Variants in SYN2 observed in about 807,000 individuals in gnomAD.
SYN2 encodes synapsin II, also known as synapsin-2.
Under a neutral mutation model 50.9 loss-of-function variants are expected in SYN2, and 19 were observed. That is an observed-to-expected ratio of 0.37 (90% CI 0.26 to 0.55). SYN2 has a LOEUF of 0.55. Among genes scored for constraint, SYN2 ranks in the 20% least tolerant of loss-of-function variants. The probability of loss-of-function intolerance (pLI) is 0.81; values close to 1 mark genes in which losing one functional copy is unlikely to be tolerated. For missense variants in SYN2, 587 were observed against 576.4 expected, an observed-to-expected ratio of 1.02 and a Z score of -0.19; for synonymous variants, 255 against 224.9, an observed-to-expected ratio of 1.13 and a Z score of -1.20.
chr3:12,127,789 C>G (rs978214926), intron 1 of SYN2, among the ~76,000 whole-genome samples: 7 of 152,178 alleles, frequency 4.6e-5, no homozygotes, highest in Non-Finnish European at 1.0e-4. Context: ...ATCAAGTCTC[C>G]TTTGCTAACA....
chr3:12,110,238 G>T (rs1696282980), intron 1 of SYN2, among the ~76,000 whole-genome samples: 1 of 152,144 alleles, frequency 6.6e-6, no homozygotes, highest in Non-Finnish European at 1.5e-5. Flanking sequence ...ACTCCAAAAT[G>T]ATCCTTTGAC....
Position 12,139,199 on chromosome 3 carries a change from A to C in SYN2, c.378-1452A>C, listed in dbSNP as rs570706479. The stretch of plus-strand genomic sequence containing the variant: ...GATAGGACAAATGACAACTTCCTAG[A>C]ACGGGGTGTTCCAGAACCCATAGAG... On this transcript the variant is annotated intron_variant, in intron 1 of 12. Coordinates refer to ENST00000621198, the MANE Select transcript of SYN2 (RefSeq NM_133625.6). Among the ~76,000 whole-genome samples, 75 of 152,316 alleles carry C rather than the reference A, an allele frequency of 4.9e-4. 1 individual carries two copies. Among genetic ancestry groups the C allele is most frequent in the African/African-American group, 1.6e-3 (68 of 41,574 alleles).
At chr3:12,151,142 C>A in intron 4 of SYN2, 95 bp from the exon 5 acceptor site, 2 of 882,198 alleles carry the variant, frequency 2.3e-6, no homozygotes, top group South Asian at 1.5e-5. Flanking sequence ...AAGTCCTCCA[C>A]AGAGCAAATG....
chr3:12,137,470 A>G (rs188253272), intron 1 of SYN2, among the ~76,000 whole-genome samples: 86 of 152,270 alleles, frequency 5.6e-4, no homozygotes, highest in Admixed American at 7.2e-4. Flanking sequence ...TAAATTATTC[A>G]TCCTGTGGAT....
intron 1 of SYN2, chr3:12,070,558 C>T: frequency 1.8e-6 from 2 of 1,135,036 alleles, no homozygotes; most frequent in Non-Finnish European, 2.5e-6. Context: ...CTGACGGAGG[C>T]CCTTGTGAAC....
chr3:12,025,743 G>A (rs916194117), intron 1 of SYN2, among the ~76,000 whole-genome samples: 2 of 152,140 alleles, frequency 1.3e-5, no homozygotes, highest in East Asian at 3.9e-4. Flanking sequence ...GTGCCTAGCT[G>A]GCCCTGCAAA....
rs537846449 is a variant in SYN2 at position 12,174,893 on chromosome 3, C to T, written c.1308+4987C>T. ...CTTCTTTAATTTTCTGCATAGCACTCACTATCAGTTGAGATTATTCTTGTC... is the reference window on the plus strand; with the variant it reads ...CTTCTTTAATTTTCTGCATAGCACTTACTATCAGTTGAGATTATTCTTGTC... On this transcript the variant is annotated intron_variant, in intron 10 of 12. Transcript: ENST00000621198. Among the ~76,000 whole-genome samples, 149 of 152,316 alleles carry T rather than the reference C, an allele frequency of 9.8e-4. 2 individuals carry two copies. The highest frequency in any genetic ancestry group is 3.4e-3 in the African/African-American group (142 of 41,554).
intron 10 of SYN2, among the ~76,000 whole-genome samples, chr3:12,170,269 A>G (rs1394939182): frequency 2.0e-5 from 3 of 152,270 alleles, no homozygotes; most frequent in South Asian, 4.1e-4. Context: ...CACATCACTT[A>G]CTGTCTATTC....
At chr3:12,050,711 C>CTCTTT (rs1268024407) in intron 1 of SYN2, among the ~76,000 whole-genome samples, 17 of 50,530 alleles carry the variant, frequency 3.4e-4, no homozygotes, top group Admixed American at 1.1e-3. Context: ...CTTCTCTTCT[C>CTCTTT]TTTTTTTTTT....
rs925606381 is a variant in SYN2 at position 12,167,455 on chromosome 3, C to T, written c.1055+147C>T. The T allele has an allele frequency of 2.0e-5, 15 of 737,550 alleles. No individual in the cohort carries two copies. In the African/African-American group the frequency reaches 2.6e-4, roughly 13 times the overall value. 45.7% of individuals were successfully genotyped at this position (737,550 alleles called of 1,614,324 possible). A position where few individuals can be genotyped will look rare whatever the true frequency, so the allele number is the denominator to read the frequency against. ...CAAAAGGCCCAAGTAGCCCATTTAG[C>T]AAGATCAGGCAGGACTGATGATAGA... On this transcript the variant is annotated intron_variant, in intron 8 of 12. Transcript: ENST00000621198.
intron 1 of SYN2, among the ~76,000 whole-genome samples, chr3:12,014,183 ATG>A (rs2125131984): frequency 6.6e-6 from 1 of 152,292 alleles, no homozygotes; most frequent in East Asian, 1.9e-4. Context: ...GACAGGCTGA[ATG>A]TTTCATTCCT....
chr3:12,171,700 TG>T (rs1216320285), intron 10 of SYN2, among the ~76,000 whole-genome samples: 1 of 152,214 alleles, frequency 6.6e-6, no homozygotes, highest in Non-Finnish European at 1.5e-5. Flanking sequence ...CAGGTGACCT[TG>T]GGTAGGTTTA....
Position 12,004,937 on chromosome 3 carries a change from C to T in SYN2, c.377+9C>T, listed in dbSNP as rs1393711891. 5.6e-6 allele frequency: 3 copies of T among 532,260 alleles called. No individual in the cohort carries two copies. Among genetic ancestry groups the T allele is most frequent in the African/African-American group, 4.0e-5 (2 of 49,862 alleles). The allele number at this position is 532,260 out of a possible 1,614,324, so 33.0% of individuals were successfully genotyped here. On this transcript the variant is annotated intron_variant, in intron 1 of 12. Transcript: ENST00000621198. ...GAGCCGCACGCCGACTGGTAGGTGCCGGGCGCCGCCGCCCTCGGGGGTCGG... is the reference window on the plus strand; with the variant it reads ...GAGCCGCACGCCGACTGGTAGGTGCTGGGCGCCGCCGCCCTCGGGGGTCGG...
At position 12,147,931 on chromosome 3, in the gene SYN2, G is replaced by C. The variant is rs151280572; in HGVS notation, c.684+2096G>C. Among the ~76,000 whole-genome samples the C allele has an allele frequency of 2.6e-5, 4 of 151,760 alleles. No individual in the cohort carries two copies. The East Asian group carries it at 5.8e-4, about 22-fold the overall frequency. On this transcript the variant is annotated intron_variant, in intron 4 of 12. Coordinates refer to ENST00000621198, the MANE Select transcript of SYN2 (RefSeq NM_133625.6). Reference sequence around the variant, plus strand: ...GATCAAGACCATCCTAACTAACACAGAGAAACCCGTCTCTACTAAAAATAC... The same window carrying C: ...GATCAAGACCATCCTAACTAACACACAGAAACCCGTCTCTACTAAAAATAC...
At chr3:12,179,374 GAAAAAAA>G (rs536283283) in intron 10 of SYN2, among the ~76,000 whole-genome samples, 3 of 92,570 alleles carry the variant, frequency 3.2e-5, no homozygotes, top group Admixed American at 1.2e-4. Context: ...AGAACTGAAA[GAAAAAAA>G]AAAAAAAAAA....
chr3:12,033,784 A>G (rs1350116826), intron 1 of SYN2, among the ~76,000 whole-genome samples: 1 of 152,192 alleles, frequency 6.6e-6, no homozygotes, highest in African/African-American at 2.4e-5. Context: ...TTTTGTGTCC[A>G]GCTTTTTTCA....
At chr3:12,139,548 G>A (rs1696970778) in intron 1 of SYN2, among the ~76,000 whole-genome samples, 1 of 152,134 alleles carries the variant, frequency 6.6e-6, no homozygotes, top group African/African-American at 2.4e-5. Flanking sequence ...CTGAATCTTG[G>A]TTTCCTTGTC....
At chr3:12,057,738 C>T (rs1285510625) in intron 1 of SYN2, among the ~76,000 whole-genome samples, 2 of 152,004 alleles carry the variant, frequency 1.3e-5, no homozygotes, top group South Asian at 2.1e-4. Context: ...TTTCCACTCC[C>T]GTGACATGCT....
At chr3:12,181,048 C>G (rs1316060037) in intron 10 of SYN2, among the ~76,000 whole-genome samples, 1 of 152,206 alleles carries the variant, frequency 6.6e-6, no homozygotes, top group Non-Finnish European at 1.5e-5. Context: ...ATTCACTACC[C>G]ACTATGTGAA....
Sources: gnomAD v4.1 joint callset for allele counts (sites outside exome capture counted in the v4.1 genomes callset) on GRCh38, gnomAD v4.1.1 for gene constraint, MANE v1.5 for transcripts, NCBI Gene and HGNC (gene_info 2026-07-23, HGNC 2026-07-21) for gene names.